RERE: variants seen among roughly 807,000 people sequenced by gnomAD.
The protein encoded by RERE is arginine-glutamic acid dipeptide repeats protein.
In RERE, 40 loss-of-function variants were observed where a neutral mutation model predicts 146.1. That is an observed-to-expected ratio of 0.27 (90% CI 0.21 to 0.36). The LOEUF is 0.36. RERE is among the 10% of genes least tolerant of loss of function. The pLI is 1.00. For synonymous variants in RERE, 1,003 were observed against 866.0 expected, an observed-to-expected ratio of 1.16 and a Z score of -2.78; for missense variants, 1,933 against 2,138.7, an observed-to-expected ratio of 0.90 and a Z score of 1.90.
At chr1:8,475,102 A>G (rs1449480756) in intron 10 of RERE, among the ~76,000 whole-genome samples, 1 of 152,240 alleles carries the variant, frequency 6.6e-6, no homozygotes, top group Non-Finnish European at 1.5e-5. Flanking sequence ...AGCCACGTGC[A>G]GTGGCTTACA....
chr1:8,771,275 A>G (rs977862916), intron 1 of RERE, among the ~76,000 whole-genome samples: 6 of 150,992 alleles, frequency 4.0e-5, no homozygotes, highest in African/African-American at 1.5e-4. Context: ...TAATCTCAGA[A>G]TTTTGGGAGG....
Position 8,360,815 on chromosome 1 carries a change from G to A in RERE, c.2692C>T (p.Leu898=), listed in dbSNP as rs760778330. 1.8e-5 allele frequency: 28 copies of A among 1,565,230 alleles called. No homozygotes were observed. The highest frequency in any genetic ancestry group is 2.4e-5 in the Non-Finnish European group (28 of 1,161,264). Residue 898 remains leucine (L), a synonymous_variant, in exon 18 of 23, where the codon CTG becomes TTG. Transcript: ENST00000400908. ...GCTGACTGAGAGGCTGGCAGCTGCA[G>A]GGAGGTGTGAGGGTACGCTGCTGCT... is the stretch of plus-strand genomic sequence containing the variant. ...SPAAAYPHTS[L]QLPASQSALQ...
chr1:8,651,640 G>T (rs1647636453), intron 2 of RERE, among the ~76,000 whole-genome samples: 1 of 151,742 alleles, frequency 6.6e-6, no homozygotes, highest in Non-Finnish European at 1.5e-5. Context: ...GCAGGAGGAT[G>T]ACTTGAGCCT....
rs58993452 is a variant in RERE at position 8,789,282 on chromosome 1, C to CAAAAAAAAAA, written c.-145+27868_-145+27877dup. ...CAACACAGCAAGACCTCCTCTCTACCAAAAAAAAAAAAAAAAAAAATATAT... is the reference window on the plus strand; with the variant it reads ...CAACACAGCAAGACCTCCTCTCTACCAAAAAAAAAAAAAAAAAAAAAAAAAAAAAATATAT... On this transcript the variant is annotated intron_variant, in intron 1 of 22. Transcript: ENST00000400908. Among the ~76,000 whole-genome samples the CAAAAAAAAAA allele has an allele frequency of 1.6e-3, 61 of 38,482 alleles. 4 individuals are homozygous for CAAAAAAAAAA. Among genetic ancestry groups the CAAAAAAAAAA allele is most frequent in the African/African-American group, 3.9e-3 (21 of 5,392 alleles). 25.2% of individuals were successfully genotyped at this position (38,482 alleles called of 152,430 possible).
chr1:8,813,200 T>C (rs1014745151), intron 1 of RERE, among the ~76,000 whole-genome samples: 6 of 152,162 alleles, frequency 3.9e-5, no homozygotes, highest in African/African-American at 7.2e-5. Context: ...TGTAAAACAA[T>C]AGCTTTTCTT....
intron 1 of RERE, among the ~76,000 whole-genome samples, chr1:8,804,859 A>G (rs1019651279): frequency 2.6e-5 from 4 of 152,188 alleles, no homozygotes; most frequent in African/African-American, 9.6e-5. Flanking sequence ...GGAAACTTCT[A>G]TCTTGTTTAA....
At chr1:8,634,599 C>G (rs1647073451) in intron 2 of RERE, among the ~76,000 whole-genome samples, 1 of 152,176 alleles carries the variant, frequency 6.6e-6, no homozygotes, top group African/African-American at 2.4e-5. Flanking sequence ...CAAATGAAAC[C>G]TGTTCCCTGA....
At chr1:8,655,915 T>C in intron 2 of RERE, 58 bp downstream of exon 2, 1 of 1,568,714 alleles carries the variant, frequency 6.4e-7, no homozygotes. Context: ...TTCACCATAA[T>C]GCCAAGATCA....
intron 1 of RERE, among the ~76,000 whole-genome samples, chr1:8,759,275 A>G (rs1197227888): frequency 1.3e-5 from 2 of 152,224 alleles, no homozygotes; most frequent in African/African-American, 4.8e-5. Context: ...TTTATATGAG[A>G]AAATTACTAA....
At chr1:8,564,541 G>C (rs1187588938) in intron 4 of RERE, among the ~76,000 whole-genome samples, 1 of 152,062 alleles carries the variant, frequency 6.6e-6, no homozygotes. Context: ...ATTTACACAG[G>C]TAAATCAAAA....
chr1:8,572,397 T>G (rs905351308), intron 4 of RERE, among the ~76,000 whole-genome samples: 2 of 152,226 alleles, frequency 1.3e-5, no homozygotes, highest in African/African-American at 2.4e-5. Flanking sequence ...ATTCAGAGTC[T>G]GCTGTGACTC....
rs1482941610 is a variant in RERE, at chr1:8,358,315, G to C, written c.4220C>G (p.Ala1407Gly). The C allele has an allele frequency of 6.8e-6, 11 of 1,613,512 alleles. No homozygotes were observed. Among genetic ancestry groups the C allele is most frequent in the Non-Finnish European group, 9.3e-6 (11 of 1,179,780 alleles). ...GGCCAGGGGATCGCTGGTCAGCGAT[G>C]CCATGCGCTCTGCGTGGATACGCTC... ...AAERIHAERMASLTSDPLARL... is the reference protein window; with the variant it reads ...AAERIHAERMGSLTSDPLARL... The change falls in exon 20 of 23, where the codon GCA (alanine) becomes GGA (glycine). Residue 1407 changes from alanine to glycine, a missense_variant. By Grantham distance (60) the Ala-to-Gly change is moderately conservative. Transcript: ENST00000400908.
chr1:8,537,152 C>T (rs1645736783), intron 7 of RERE, among the ~76,000 whole-genome samples: 1 of 151,982 alleles, frequency 6.6e-6, no homozygotes, highest in African/African-American at 2.4e-5. Flanking sequence ...TGTGGTGAGC[C>T]CTGATCACGC....
At chr1:8,526,218 G>C (rs1214950127) in intron 7 of RERE, among the ~76,000 whole-genome samples, 1 of 152,024 alleles carries the variant, frequency 6.6e-6, no homozygotes. Flanking sequence ...GCTCTGTCAG[G>C]AACTCAGCAA....
rs1177191606 is a variant in RERE at position 8,405,083 on chromosome 1, GA to G, written c.1284+17643del. Among the ~76,000 whole-genome samples the G allele has an allele frequency of 3.9e-5, 6 of 152,278 alleles. No individual in the cohort carries two copies. In the East Asian group the frequency reaches 5.8e-4, roughly 15 times the overall value. Reference sequence around the variant, plus strand: ...TTTGAAGTATCATAAAGTTTTCGAAGAAAAAGGAGACTGCAGGCTAAGTTAA... The same window carrying G: ...TTTGAAGTATCATAAAGTTTTCGAAGAAAAGGAGACTGCAGGCTAAGTTAA... On this transcript the variant is annotated intron_variant, in intron 12 of 22. Transcript: ENST00000400908.
chr1:8,386,020 A>ATTTTT (rs1557603339), intron 12 of RERE, among the ~76,000 whole-genome samples: 63 of 36,688 alleles, frequency 1.7e-3, no homozygotes, highest in Non-Finnish European at 2.6e-3. Flanking sequence ...ATATATATAT[A>ATTTTT]TATTTTTTTT....
At chr1:8,634,092 G>T (rs1476969893) in intron 2 of RERE, among the ~76,000 whole-genome samples, 1 of 152,148 alleles carries the variant, frequency 6.6e-6, no homozygotes, top group African/African-American at 2.4e-5. Flanking sequence ...AGCAAGCAAA[G>T]TCTGCTCACC....
At chr1:8,581,616 T>C (rs935264894) in intron 4 of RERE, among the ~76,000 whole-genome samples, 7 of 152,356 alleles carry the variant, frequency 4.6e-5, no homozygotes, top group Middle Eastern at 3.4e-3. Flanking sequence ...CAAATTAATG[T>C]ATGGTATGAG....
chr1:8,422,695 A>T, intron 12 of RERE, 32 bp downstream of exon 12: 1 of 1,521,922 alleles, frequency 6.6e-7, no homozygotes, highest in Non-Finnish European at 9.1e-7. Context: ...AAGAGGAAAA[A>T]ATCAAGTTAC....
Sources: gnomAD v4.1 joint callset for allele counts (sites outside exome capture counted in the v4.1 genomes callset) on GRCh38, gnomAD v4.1.1 for gene constraint, MANE v1.5 for transcripts, NCBI Gene and HGNC (gene_info 2026-07-23, HGNC 2026-07-21) for gene names.